The following NUBPL variants were observed in gnomAD, a reference collection of about 807,000 sequenced individuals.
NUBPL encodes the protein NUBP iron-sulfur cluster assembly factor, mitochondrial.
Under a neutral mutation model 45.7 loss-of-function variants are expected in NUBPL, and 31 were observed. The observed-to-expected ratio is 0.68, with a 90% CI of 0.51 to 0.92. The LOEUF is 0.92. Among genes scored for constraint, NUBPL ranks in the 40% least tolerant of loss-of-function variants. The probability of loss-of-function intolerance (pLI) is 0.00; values close to 1 mark genes in which losing one functional copy is unlikely to be tolerated. For missense variants in NUBPL, 401 were observed against 398.7 expected (o/e 1.01, Z -0.05); for synonymous variants, 144 against 140.9 (o/e 1.02, Z -0.15).
In NUBPL at chr14:31,695,998, A is replaced by G. The variant is rs142763829; in HGVS notation, c.513+22424A>G. ...TCTGATGCTTTAAATGGGTAATTTT[A>G]TCAAGAAAGCAATATAAATAAAGTA... On this transcript the variant is annotated intron_variant, in intron 6 of 10. Coordinates refer to ENST00000281081, the MANE Select transcript of NUBPL (RefSeq NM_025152.3). 2.1e-3 allele frequency among the ~76,000 whole-genome samples: 322 copies of G among 152,370 alleles called. 1 individual carries two copies. Among genetic ancestry groups the G allele is most frequent in the African/African-American group, 7.4e-3 (307 of 41,588 alleles).
At chr14:31,828,935 A>G (rs76434596) in intron 8 of NUBPL, among the ~76,000 whole-genome samples, 1,629 of 152,328 alleles carry the variant, frequency 0.011, 27 homozygotes, top group African/African-American at 0.037. Flanking sequence ...CCACTGAAGG[A>G]TAGACGTTAA....
intron 6 of NUBPL, among the ~76,000 whole-genome samples, chr14:31,755,985 G>A (rs1157519207): frequency 2.6e-5 from 4 of 152,042 alleles, no homozygotes; most frequent in Admixed American, 2.0e-4. Context: ...TTTTTCTCAG[G>A]TTTGTCAAAG....
intron 4 of NUBPL, among the ~76,000 whole-genome samples, chr14:31,634,334 C>T (rs1430291704): frequency 6.1e-5 from 9 of 146,366 alleles, no homozygotes; most frequent in Admixed American, 7.1e-5. Flanking sequence ...TGAGAACATG[C>T]GGTGTTTGGT....
At chr14:31,802,490 A>G (rs2039611506) in intron 7 of NUBPL, among the ~76,000 whole-genome samples, 1 of 151,888 alleles carries the variant, frequency 6.6e-6, no homozygotes, top group Non-Finnish European at 1.5e-5. Context: ...GTTGGCCAGG[A>G]TGGTCTTGAT....
At chr14:31,631,963 T>C (rs2035356583) in intron 4 of NUBPL, among the ~76,000 whole-genome samples, 2 of 152,266 alleles carry the variant, frequency 1.3e-5, no homozygotes, top group South Asian at 4.1e-4. Flanking sequence ...ATCATCATAC[T>C]CCTCAAACTC....
At chr14:31,583,915 T>G (rs765861281) in intron 3 of NUBPL, among the ~76,000 whole-genome samples, 6 of 152,150 alleles carry the variant, frequency 3.9e-5, no homozygotes, top group Non-Finnish European at 8.8e-5. Context: ...TGAGTTGATG[T>G]TAGATATATT....
intron 7 of NUBPL, among the ~76,000 whole-genome samples, chr14:31,789,817 T>G (rs1250254326): frequency 6.6e-6 from 1 of 152,100 alleles, no homozygotes; most frequent in Non-Finnish European, 1.5e-5. Context: ...AGTCTGAGAC[T>G]TTTTCTTTGA....
rs118032207 is a variant in NUBPL, at chr14:31,665,561, T to G, written c.383-7794T>G. On this transcript the variant is annotated intron_variant, in intron 4 of 10. Transcript: ENST00000281081. ...TTGATTGAGTTTCTTAATCCTGAGT[T>G]CTAACTTGATTGCACCATGGTGTGA... Among the ~76,000 whole-genome samples the G allele has an allele frequency of 2.1e-3, 315 of 152,346 alleles. 4 individuals are homozygous for G. The highest frequency in any genetic ancestry group is 0.013 in the South Asian group (61 of 4,828).
At chr14:31,589,392 A>G (rs894577492) in intron 3 of NUBPL, among the ~76,000 whole-genome samples, 1 of 152,166 alleles carries the variant, frequency 6.6e-6, no homozygotes, top group African/African-American at 2.4e-5. Flanking sequence ...CATACATTTT[A>G]TAGAAAATAT....
At chr14:31,615,044 A>G (rs1388381967) in intron 4 of NUBPL, among the ~76,000 whole-genome samples, 1 of 152,072 alleles carries the variant, frequency 6.6e-6, no homozygotes, top group East Asian at 1.9e-4. Flanking sequence ...TGTCATGTTG[A>G]ATTGTAATCC....
In NUBPL at chr14:31,565,147, A is replaced by C; in HGVS notation, c.291+99A>C. 2 of 709,602 alleles carry C rather than the reference A, an allele frequency of 2.8e-6. 1 individual carries two copies. The highest frequency in any genetic ancestry group is 3.7e-5 in the South Asian group (2 of 53,836). The allele number at this position is 709,602 out of a possible 1,614,324, so 44.0% of individuals were successfully genotyped here. On this transcript the variant is annotated intron_variant, in intron 3 of 10. Coordinates refer to ENST00000281081, the MANE Select transcript of NUBPL (RefSeq NM_025152.3). ...TTTTATTTACTCTGTCAGAAGCTAT[A>C]GTGTAGTTGTAGTGAGTTGCATATC...
rs199681414 is a variant in NUBPL at position 31,600,990 on chromosome 14, G to A, written c.382+1611G>A. Among the ~76,000 whole-genome samples the A allele has an allele frequency of 1.8e-4, 27 of 152,056 alleles. No individual in the cohort carries two copies. In the East Asian group the frequency reaches 4.6e-3, roughly 26 times the overall value. Reference sequence around the variant, plus strand: ...TACATTTGGCTAGCCAGTTTTCCCAGCACCATTTATTAAATAGGGAATCCT... The same window carrying A: ...TACATTTGGCTAGCCAGTTTTCCCAACACCATTTATTAAATAGGGAATCCT... On this transcript the variant is annotated intron_variant, in intron 4 of 10. Transcript: ENST00000281081.
At chr14:31,668,723 A>T (rs562158559) in intron 4 of NUBPL, among the ~76,000 whole-genome samples, 1 of 152,242 alleles carries the variant, frequency 6.6e-6, no homozygotes, top group African/African-American at 2.4e-5. Flanking sequence ...CAGGTTGCAA[A>T]AACCGTAGGA....
chr14:31,593,822 A>G (rs1019118877), intron 3 of NUBPL, among the ~76,000 whole-genome samples: 1 of 152,170 alleles, frequency 6.6e-6, no homozygotes, highest in African/African-American at 2.4e-5. Flanking sequence ...GGTTGAGGGA[A>G]TAGCAACTGC....
intron 4 of NUBPL, among the ~76,000 whole-genome samples, chr14:31,664,853 A>G (rs2036366329): frequency 6.6e-6 from 1 of 152,148 alleles, no homozygotes; most frequent in Admixed American, 6.5e-5. Context: ...TCGTCTGTGA[A>G]TCTGTCTGGT....
chr14:31,791,604 C>T (rs1322735232), intron 7 of NUBPL, among the ~76,000 whole-genome samples: 1 of 152,084 alleles, frequency 6.6e-6, no homozygotes, highest in Non-Finnish European at 1.5e-5. Flanking sequence ...AGAGATAGAG[C>T]ATGGTGAGGA....
intron 7 of NUBPL, among the ~76,000 whole-genome samples, chr14:31,793,830 T>TACCATCCTGCTGA (rs1566564992): frequency 3.9e-4 from 52 of 131,696 alleles, no homozygotes; most frequent in African/African-American, 1.9e-3. Flanking sequence ...TTATCTTTCT[T>TACCATCCTGCTGA]TTTTTTTTTT....
rs181766978 is a variant in NUBPL at position 31,843,336 on chromosome 14, T to G, written c.694-3135T>G. 4.6e-5 allele frequency among the ~76,000 whole-genome samples: 7 copies of G among 152,370 alleles called. No individual in the cohort carries two copies. In the East Asian group the frequency reaches 1.2e-3, roughly 25 times the overall value. On this transcript the variant is annotated intron_variant, in intron 8 of 10. Coordinates refer to ENST00000281081, the MANE Select transcript of NUBPL (RefSeq NM_025152.3). ...CCCAGGCAGAGAAATGGACATATTTTAGACAGCATTAAAAGTTGACACCTC... is the reference window on the plus strand; with the variant it reads ...CCCAGGCAGAGAAATGGACATATTTGAGACAGCATTAAAAGTTGACACCTC...
intron 6 of NUBPL, among the ~76,000 whole-genome samples, chr14:31,767,655 A>G (rs1431978912): frequency 6.6e-6 from 1 of 152,186 alleles, no homozygotes; most frequent in Admixed American, 6.5e-5. Context: ...TGAAAGCACA[A>G]AGTCTTAGCC....
Sources: allele counts gnomAD v4.1 joint callset (sites outside exome capture counted in the v4.1 genomes callset), GRCh38; gene constraint gnomAD v4.1.1; transcripts MANE v1.5; gene names NCBI Gene and HGNC (gene_info 2026-07-23, HGNC 2026-07-21).